Variants in CPNE4 observed in about 807,000 individuals in gnomAD.
CPNE4 encodes copine-4.
In CPNE4, 25 loss-of-function variants were observed where a neutral mutation model predicts 67.9. The observed-to-expected ratio is 0.37, with a 90% CI of 0.27 to 0.51. The LOEUF is 0.51. Among genes scored for constraint, CPNE4 ranks in the 20% least tolerant of loss-of-function variants. The probability of loss-of-function intolerance (pLI) is 0.93; values close to 1 mark genes in which losing one functional copy is unlikely to be tolerated. For synonymous variants in CPNE4, 242 were observed against 244.9 expected (o/e 0.99, Z 0.11); for missense variants, 464 against 690.8 (o/e 0.67, Z 3.68).
At chr3:131,834,603 A>C (rs916942322) in intron 2 of CPNE4, among the ~76,000 whole-genome samples, 1 of 152,166 alleles carries the variant, frequency 6.6e-6, no homozygotes, top group Non-Finnish European at 1.5e-5. Flanking sequence ...AGTTACCACA[A>C]CTTTTCACAA....
chr3:131,610,320 T>G (rs771671999), intron 7 of CPNE4, among the ~76,000 whole-genome samples: 3 of 152,222 alleles, frequency 2.0e-5, no homozygotes, highest in Non-Finnish European at 4.4e-5. Context: ...AGGAACCCTT[T>G]GCAGGGCCAG....
intron 2 of CPNE4, among the ~76,000 whole-genome samples, chr3:131,786,411 G>A (rs748070403): frequency 2.6e-5 from 4 of 152,102 alleles, no homozygotes; most frequent in East Asian, 1.9e-4. Flanking sequence ...ATTCATGTAG[G>A]ACATCTAAAA....
chr3:131,916,191 A>G (rs1012293609), intron 1 of CPNE4, among the ~76,000 whole-genome samples: 3 of 152,132 alleles, frequency 2.0e-5, no homozygotes, highest in Non-Finnish European at 4.4e-5. Flanking sequence ...CTTGTTTCTC[A>G]GGCAACTAAA....
At chr3:131,711,473 G>A (rs548368186) in intron 3 of CPNE4, among the ~76,000 whole-genome samples, 1 of 152,222 alleles carries the variant, frequency 6.6e-6, no homozygotes, top group South Asian at 2.1e-4. Flanking sequence ...ACGTGTGCTG[G>A]CCTGAGCATC....
intron 7 of CPNE4, among the ~76,000 whole-genome samples, chr3:131,614,123 A>T (rs2107746548): frequency 6.6e-6 from 1 of 152,298 alleles, no homozygotes; most frequent in South Asian, 2.1e-4. Flanking sequence ...GGGGTGGATC[A>T]AAAGGCAGAG....
intron 2 of CPNE4, among the ~76,000 whole-genome samples, chr3:131,832,816 C>A (rs534643196): frequency 6.6e-6 from 1 of 152,232 alleles, no homozygotes; most frequent in Admixed American, 6.5e-5. Flanking sequence ...AGAGTTGAGA[C>A]TTTTGTGGCT....
chr3:131,730,934 G>A (rs780314295), intron 2 of CPNE4, among the ~76,000 whole-genome samples: 8 of 152,062 alleles, frequency 5.3e-5, no homozygotes, highest in Non-Finnish European at 1.5e-5. Flanking sequence ...GGCAACCCTG[G>A]TAAACAAATA....
At chr3:131,658,453 T>C (rs1470605924) in intron 7 of CPNE4, among the ~76,000 whole-genome samples, 1 of 152,224 alleles carries the variant, frequency 6.6e-6, no homozygotes, top group Admixed American at 6.5e-5. Context: ...GTATTTATGC[T>C]CATTTTCAAT....
At chr3:132,019,405 G>T (rs2107686922) in intron 1 of CPNE4, among the ~76,000 whole-genome samples, 1 of 152,218 alleles carries the variant, frequency 6.6e-6, no homozygotes, top group African/African-American at 2.4e-5. Context: ...TACAGCTATT[G>T]TTTTAAAGTT....
At chr3:131,665,005 T>C (rs1485691016) in intron 7 of CPNE4, among the ~76,000 whole-genome samples, 2 of 152,154 alleles carry the variant, frequency 1.3e-5, no homozygotes, top group Non-Finnish European at 2.9e-5. Flanking sequence ...TCATAGGTAA[T>C]TAAGGCTCAG....
chr3:131,651,856 T>C (rs1056906409), intron 7 of CPNE4, among the ~76,000 whole-genome samples: 6 of 152,106 alleles, frequency 3.9e-5, no homozygotes, highest in Non-Finnish European at 7.4e-5. Flanking sequence ...GGGGAAGTAA[T>C]TTTTCCTCTC....
chr3:131,897,648 C>G (rs1322759882), intron 2 of CPNE4, among the ~76,000 whole-genome samples: 1 of 152,090 alleles, frequency 6.6e-6, no homozygotes, highest in Non-Finnish European at 1.5e-5. Context: ...GTAATCCCAG[C>G]ACTTTGGGAG....
intron 2 of CPNE4, among the ~76,000 whole-genome samples, chr3:131,769,599 G>C (rs548108658): frequency 6.6e-6 from 1 of 152,246 alleles, no homozygotes; most frequent in South Asian, 2.1e-4. Flanking sequence ...CCTTCAACAA[G>C]TGGTGATGGA....
chr3:131,884,206 C>T (rs1239454711), intron 2 of CPNE4, among the ~76,000 whole-genome samples: 2 of 152,174 alleles, frequency 1.3e-5, no homozygotes, highest in East Asian at 3.8e-4. Context: ...TAAATGTTTA[C>T]TGAATGAGTT....
At chr3:131,960,748 C>T (rs1216544227) in intron 1 of CPNE4, among the ~76,000 whole-genome samples, 1 of 152,128 alleles carries the variant, frequency 6.6e-6, no homozygotes, top group Non-Finnish European at 1.5e-5. Context: ...AATGCAGTTT[C>T]CACATCCTGA....
At chr3:131,726,760 T>C (rs200889846) in intron 2 of CPNE4, among the ~76,000 whole-genome samples, 3 of 119,842 alleles carry the variant, frequency 2.5e-5, no homozygotes, top group Admixed American at 8.9e-5. Flanking sequence ...GATTCCTGTT[T>C]CCTAACCCCA....
At chr3:131,538,082 C>T (rs1935265318) in intron 15 of CPNE4, among the ~76,000 whole-genome samples, 1 of 152,166 alleles carries the variant, frequency 6.6e-6, no homozygotes. Flanking sequence ...TAATGTTACC[C>T]TTGGTTAAAA....
In CPNE4 at chr3:131,801,448, G is replaced by GTATA. The variant is rs1468625662; in HGVS notation, c.181-77824_181-77823insTATA. ...TGTGTGTGTGTGTGTGTGTGTGTGT[G>GTATA]TGTGTATATATATATATATATATAT... On this transcript the variant is annotated intron_variant, in intron 2 of 15. Transcript: ENST00000429747. Among the ~76,000 whole-genome samples the GTATA allele has an allele frequency of 1.7e-3, 100 of 59,816 alleles. 2 individuals carry two copies. Among genetic ancestry groups the GTATA allele is most frequent in the African/African-American group, 6.4e-3 (88 of 13,654 alleles). The allele number at this position is 59,816 out of a possible 152,430, so 39.2% of individuals were successfully genotyped here.
chr3:131,801,442 G>A (rs1294888301), intron 2 of CPNE4, among the ~76,000 whole-genome samples: 2 of 90,754 alleles, frequency 2.2e-5, no homozygotes, highest in African/African-American at 9.6e-5. Context: ...GTGTGTGTGT[G>A]TGTGTGTGTG....
Sources: allele counts gnomAD v4.1 joint callset (sites outside exome capture counted in the v4.1 genomes callset), GRCh38; gene constraint gnomAD v4.1.1; transcripts MANE v1.5; gene names NCBI Gene and HGNC (gene_info 2026-07-23, HGNC 2026-07-21).